TNFRSF11B: variants seen among roughly 807,000 people sequenced by gnomAD.
The protein encoded by TNFRSF11B is TNF receptor superfamily member 11b.
A neutral mutation model predicts 43.4 loss-of-function variants in TNFRSF11B; 16 were observed. The ratio of observed to expected loss-of-function variants is 0.37; its 90% CI spans 0.25 to 0.56. The LOEUF (loss-of-function observed/expected upper bound fraction) is 0.56. Among genes scored for constraint, TNFRSF11B ranks in the 20% least tolerant of loss-of-function variants. The probability of loss-of-function intolerance (pLI) is 0.80; values close to 1 mark genes in which losing one functional copy is unlikely to be tolerated. For synonymous variants in TNFRSF11B, 185 were observed against 181.8 expected (o/e 1.02, Z -0.14); for missense variants, 444 against 490.1 (o/e 0.91, Z 0.89).
At chr8:118,929,151 A>G (rs995701108) in intron 2 of TNFRSF11B, 4 of 568,248 alleles carry the variant, frequency 7.0e-6, no homozygotes, top group Admixed American at 3.1e-5. Flanking sequence ...ATGCAAGTCA[A>G]TTTTCTCGTT....
chr8:118,932,906 A>T (rs757189572), intron 2 of TNFRSF11B, 25 bp downstream of exon 2: 1 of 1,613,670 alleles, frequency 6.2e-7, no homozygotes, highest in African/African-American at 1.3e-5. Context: ...GATCCTAATT[A>T]ATTTTGCTGC....
intron 1 of TNFRSF11B, among the ~76,000 whole-genome samples, chr8:118,947,739 T>A (rs1812587978): frequency 6.6e-6 from 1 of 152,206 alleles, no homozygotes; most frequent in Admixed American, 6.5e-5. Flanking sequence ...ATTATTAAAA[T>A]TTGTTCTGTT....
At chr8:118,943,475 T>C (rs1812516374) in intron 1 of TNFRSF11B, among the ~76,000 whole-genome samples, 1 of 152,056 alleles carries the variant, frequency 6.6e-6, no homozygotes, top group Non-Finnish European at 1.5e-5. Flanking sequence ...CACAGAGGCT[T>C]TCCTCTGATT....
At chr8:118,944,661 A>G (rs1812532910) in intron 1 of TNFRSF11B, among the ~76,000 whole-genome samples, 1 of 152,118 alleles carries the variant, frequency 6.6e-6, no homozygotes, top group Non-Finnish European at 1.5e-5. Context: ...GACAGGAAAC[A>G]GAGCGTGGGT....
chr8:118,926,712 G>A lies in TNFRSF11B; in HGVS notation c.599C>T (p.Thr200Ile), dbSNP rs915869445. Residue 200 changes from threonine to isoleucine, a missense_variant, in exon 4 of 5, where the codon ACC becomes ATC. Coordinates refer to ENST00000297350, the MANE Select transcript of TNFRSF11B (RefSeq NM_002546.4). The stretch of plus-strand genomic sequence containing the variant: ...CCTGAAGAATGCCTCCTCACACAGG[G>A]TAACATCTAAAGAAAGGTTAGAAAA... Reference protein sequence around the residue: ...ESTQKCGIDVTLCEEAFFRFA... With the variant: ...ESTQKCGIDVILCEEAFFRFA... 8 of 1,613,264 alleles carry A rather than the reference G, an allele frequency of 5.0e-6. No individual in the cohort carries two copies. The highest frequency in any genetic ancestry group is 6.8e-6 in the Non-Finnish European group (8 of 1,179,620).
chr8:118,938,957 A>G (rs1000902416), intron 1 of TNFRSF11B, among the ~76,000 whole-genome samples: 2 of 152,194 alleles, frequency 1.3e-5, no homozygotes, highest in Non-Finnish European at 2.9e-5. Context: ...AAGCCCACAC[A>G]AAGTCTGAAA....
intron 2 of TNFRSF11B, among the ~76,000 whole-genome samples, chr8:118,932,240 A>G (rs748770353): frequency 6.6e-6 from 1 of 152,232 alleles, no homozygotes; most frequent in Non-Finnish European, 1.5e-5. Flanking sequence ...AAGATTCAAT[A>G]CACATGAGCC....
chr8:118,945,915 T>A (rs1212002157), intron 1 of TNFRSF11B, among the ~76,000 whole-genome samples: 2 of 152,140 alleles, frequency 1.3e-5, no homozygotes, highest in African/African-American at 4.8e-5. Context: ...AAAGGTCCAG[T>A]CTGAATTGGA....
chr8:118,929,031 T>A, intron 2 of TNFRSF11B, 102 bp from the exon 3 acceptor site: 1 of 1,077,782 alleles, frequency 9.3e-7, no homozygotes, highest in Non-Finnish European at 1.4e-6. Flanking sequence ...TGGTTTTTAC[T>A]GCTACTATTA....
At chr8:118,939,643 CTATG>C (rs889052758) in intron 1 of TNFRSF11B, among the ~76,000 whole-genome samples, 20 of 152,290 alleles carry the variant, frequency 1.3e-4, no homozygotes, top group Non-Finnish European at 2.5e-4. Context: ...GAGCCAATAA[CTATG>C]AAGAAAGAGA....
intron 1 of TNFRSF11B, among the ~76,000 whole-genome samples, chr8:118,948,341 G>A (rs983507123): frequency 7.9e-5 from 12 of 151,548 alleles, no homozygotes; most frequent in African/African-American, 2.4e-4. Context: ...AAATGCTATC[G>A]GTTAATGAGA....
intron 1 of TNFRSF11B, among the ~76,000 whole-genome samples, chr8:118,950,284 T>C (rs188382519): frequency 6.6e-6 from 1 of 152,306 alleles, no homozygotes; most frequent in East Asian, 1.9e-4. Flanking sequence ...ACTAGGATGA[T>C]TAAATCAATT....
intron 1 of TNFRSF11B, among the ~76,000 whole-genome samples, chr8:118,935,439 CAAT>C (rs1397608798): frequency 6.6e-6 from 1 of 152,020 alleles, no homozygotes; most frequent in Non-Finnish European, 1.5e-5. Context: ...AGCACGCAGA[CAAT>C]AATAAGTGAA....
intron 1 of TNFRSF11B, among the ~76,000 whole-genome samples, chr8:118,948,799 AAACTT>A (rs1201592374): frequency 6.6e-6 from 1 of 151,648 alleles, no homozygotes; most frequent in Non-Finnish European, 1.5e-5. Flanking sequence ...AAACAAAAAA[AAACTT>A]AACCACTAGG....
At chr8:118,950,500 T>C (rs1016263693) in intron 1 of TNFRSF11B, among the ~76,000 whole-genome samples, 8 of 152,340 alleles carry the variant, frequency 5.3e-5, no homozygotes, top group African/African-American at 4.8e-5. Context: ...GTTCTGGCCA[T>C]AGACACAGTA....
intron 3 of TNFRSF11B, among the ~76,000 whole-genome samples, 158 bp from the exon 4 acceptor site, chr8:118,926,876 G>A (rs1318303988): frequency 6.6e-6 from 1 of 152,192 alleles, no homozygotes; most frequent in Non-Finnish European, 1.5e-5. Flanking sequence ...TCTGTTGGCT[G>A]GTCTTAGTGG....
At chr8:118,944,851 A>T (rs143325164) in intron 1 of TNFRSF11B, among the ~76,000 whole-genome samples, 3 of 152,238 alleles carry the variant, frequency 2.0e-5, no homozygotes, top group African/African-American at 4.8e-5. Context: ...CACTCAATGC[A>T]TCTAAGGAGA....
At chr8:118,945,015 CT>C (rs1171205678) in intron 1 of TNFRSF11B, among the ~76,000 whole-genome samples, 2 of 151,834 alleles carry the variant, frequency 1.3e-5, no homozygotes, top group African/African-American at 4.8e-5. Flanking sequence ...ATGAGAAAAT[CT>C]TTTTTGGCTT....
chr8:118,938,022 A>G (rs1812427369), intron 1 of TNFRSF11B, among the ~76,000 whole-genome samples: 1 of 152,214 alleles, frequency 6.6e-6, no homozygotes, highest in African/African-American at 2.4e-5. Flanking sequence ...TTAATCATTC[A>G]GCTGTTGGTC....
Sources: allele counts gnomAD v4.1 joint callset (sites outside exome capture counted in the v4.1 genomes callset), GRCh38; gene constraint gnomAD v4.1.1; transcripts MANE v1.5; gene names NCBI Gene and HGNC (gene_info 2026-07-23, HGNC 2026-07-21).